NGEF: variants seen among roughly 807,000 people sequenced by gnomAD.
NGEF encodes ephexin-1.
A neutral mutation model predicts 80.9 loss-of-function variants in NGEF; 31 were observed. That is an observed-to-expected ratio of 0.38 (90% CI 0.29 to 0.52). The LOEUF (loss-of-function observed/expected upper bound fraction) is 0.52. NGEF is among the 20% of genes least tolerant of loss of function. NGEF has a pLI of 0.84. For missense variants in NGEF, 709 were observed against 926.2 expected (o/e 0.77, Z 3.04); for synonymous variants, 371 against 370.2 (o/e 1.00, Z -0.03).
intron 5 of NGEF, among the ~76,000 whole-genome samples, chr2:232,906,000 C>T (rs1370382914): frequency 9.7e-5 from 13 of 134,646 alleles, no homozygotes; most frequent in East Asian, 4.6e-4. Flanking sequence ...CCCGGCCAGC[C>T]GCCCCGTCCG....
chr2:232,942,597 G>A (rs2106297786), intron 3 of NGEF, among the ~76,000 whole-genome samples: 1 of 152,274 alleles, frequency 6.6e-6, no homozygotes, highest in South Asian at 2.1e-4. Context: ...GGAATGCTCT[G>A]AGAGCTGTCC....
chr2:232,988,986 G>T (rs1055215212), intron 1 of NGEF, among the ~76,000 whole-genome samples: 1 of 152,106 alleles, frequency 6.6e-6, no homozygotes, highest in African/African-American at 2.4e-5. Context: ...AAAACTTCTG[G>T]AAGGAGTTAC....
intron 1 of NGEF, among the ~76,000 whole-genome samples, chr2:233,002,549 C>T (rs1464404147): frequency 2.6e-5 from 4 of 152,032 alleles, no homozygotes; most frequent in African/African-American, 7.3e-5. Context: ...TGGTGGTGCA[C>T]GCTTGTAGTC....
At chr2:232,888,439 C>A (rs1559192642) in intron 8 of NGEF, among the ~76,000 whole-genome samples, 1 of 152,226 alleles carries the variant, frequency 6.6e-6, no homozygotes, top group Non-Finnish European at 1.5e-5. Flanking sequence ...CATGCTCACA[C>A]ATGCACAACA....
intron 1 of NGEF, among the ~76,000 whole-genome samples, chr2:232,976,192 C>A (rs1018902613): frequency 5.9e-5 from 9 of 152,152 alleles, no homozygotes; most frequent in Non-Finnish European, 8.8e-5. Context: ...CAGAGCCAGA[C>A]TCCATCTCAA....
intron 3 of NGEF, among the ~76,000 whole-genome samples, chr2:232,961,797 AC>A (rs1693958363): frequency 6.6e-6 from 1 of 152,174 alleles, no homozygotes; most frequent in Non-Finnish European, 1.5e-5. Flanking sequence ...TCTAAGAGAC[AC>A]AAAAAAGAGT....
chr2:232,928,025 G>T, intron 3 of NGEF: 6 of 1,201,152 alleles, frequency 5.0e-6, no homozygotes, highest in East Asian at 3.5e-5. Flanking sequence ...GCGGGTGCGG[G>T]GGCCGGGTCG....
Position 232,974,695 on chromosome 2 carries a change from T to G in NGEF, c.196A>C (p.Asn66His), listed in dbSNP as rs1694256542. The G allele has an allele frequency of 1.2e-6, 2 of 1,614,262 alleles. No individual in the cohort carries two copies. Among genetic ancestry groups the G allele is most frequent in the East Asian group, 4.5e-5 (2 of 44,888 alleles). The change falls in exon 2 of 15, where the codon AAT becomes CAT. Residue 66 changes from asparagine to histidine, a missense_variant. Transcript: ENST00000264051. ...TTGCTTTTGCGTCTTATGGAGCGAT[T>G]GAAGATGGAATTTCTCTTAATTGGG... is the stretch of plus-strand genomic sequence containing the variant. Reference protein sequence around the residue: ...HIPIKRNSIFNRSIRRKSKAK... With the variant: ...HIPIKRNSIFHRSIRRKSKAK...
chr2:232,993,154 A>T (rs1001880264), intron 1 of NGEF, among the ~76,000 whole-genome samples: 9 of 59,514 alleles, frequency 1.5e-4, no homozygotes, highest in Admixed American at 4.3e-4. Context: ...TATATGGGCA[A>T]ATATATATAT....
intron 3 of NGEF, among the ~76,000 whole-genome samples, chr2:232,928,542 A>AC: frequency 6.6e-6 from 1 of 152,090 alleles, no homozygotes; most frequent in African/African-American, 2.4e-5. Context: ...CAGCTCGGCG[A>AC]CCCGCTCTGA....
intron 6 of NGEF, chr2:232,894,547 G>A (rs1691993141): frequency 2.3e-6 from 1 of 440,406 alleles, no homozygotes; most frequent in Non-Finnish European, 4.0e-6. Context: ...CTCATGGGAA[G>A]GGACGCCGGG....
At chr2:232,965,807 A>C (rs1420093791) in intron 3 of NGEF, among the ~76,000 whole-genome samples, 1 of 151,890 alleles carries the variant, frequency 6.6e-6, no homozygotes, top group African/African-American at 2.4e-5. Context: ...CCTGCTTTGG[A>C]GGCAGTCAAC....
chr2:232,896,391 T>C (rs1454146867), intron 5 of NGEF, among the ~76,000 whole-genome samples: 1 of 152,024 alleles, frequency 6.6e-6, no homozygotes. Flanking sequence ...TCTGCAGAGC[T>C]GTCAGAGGGA....
chr2:232,976,561 C>T (rs529813362), intron 1 of NGEF, among the ~76,000 whole-genome samples: 131 of 152,296 alleles, frequency 8.6e-4, no homozygotes, highest in African/African-American at 2.8e-3. Flanking sequence ...GACTGAAGGC[C>T]ACTCTGGTTC....
intron 1 of NGEF, among the ~76,000 whole-genome samples, chr2:232,995,634 A>ATATATACAGTATG (rs1694822666): frequency 3.8e-5 from 2 of 52,594 alleles, no homozygotes; most frequent in African/African-American, 5.6e-5. Flanking sequence ...TATACTGTAT[A>ATATATACAGTATG]TATGTATTAT....
intron 3 of NGEF, among the ~76,000 whole-genome samples, chr2:232,939,061 C>T (rs764206422): frequency 1.3e-5 from 2 of 151,530 alleles, no homozygotes; most frequent in Non-Finnish European, 2.9e-5. Context: ...ACCTGTAATC[C>T]CAGCTACTTG....
intron 3 of NGEF, among the ~76,000 whole-genome samples, chr2:232,937,938 A>G (rs1344933260): frequency 6.6e-6 from 1 of 152,184 alleles, no homozygotes; most frequent in Non-Finnish European, 1.5e-5. Context: ...GTTTTAGTGA[A>G]GTGAAGAGTG....
intron 5 of NGEF, among the ~76,000 whole-genome samples, chr2:232,917,038 T>C (rs1264397653): frequency 2.0e-5 from 3 of 152,254 alleles, no homozygotes; most frequent in African/African-American, 7.2e-5. Flanking sequence ...GTCACTTGCA[T>C]TCCTCGAACT....
At chr2:232,927,737 C>A (rs935676369) in intron 3 of NGEF, among the ~76,000 whole-genome samples, 1 of 151,836 alleles carries the variant, frequency 6.6e-6, no homozygotes, top group Non-Finnish European at 1.5e-5. Context: ...GGGGTGCGGG[C>A]CCGACGGGGC....
Sources: allele counts gnomAD v4.1 joint callset (sites outside exome capture counted in the v4.1 genomes callset), GRCh38; gene constraint gnomAD v4.1.1; transcripts MANE v1.5; gene names NCBI Gene and HGNC (gene_info 2026-07-23, HGNC 2026-07-21).